The following HEATR5B variants were observed in gnomAD, a reference collection of about 807,000 sequenced individuals.
HEATR5B encodes the protein HEAT repeat-containing protein 5B.
A neutral mutation model predicts 224.1 loss-of-function variants in HEATR5B; 156 were observed. That is an observed-to-expected ratio of 0.70 (90% CI 0.61 to 0.80). HEATR5B has a LOEUF of 0.80. HEATR5B is among the 30% of genes least tolerant of loss of function. The probability of loss-of-function intolerance (pLI) is 0.00; values close to 1 mark genes in which losing one functional copy is unlikely to be tolerated. For synonymous variants in HEATR5B, 1,027 were observed against 893.0 expected (o/e 1.15, Z -2.68); for missense variants, 2,323 against 2,535.5 (o/e 0.92, Z 1.80).
In HEATR5B at chr2:36,997,623, G is replaced by A. The variant is rs1175702694; in HGVS notation, c.5545+2963C>T. On this transcript the variant is annotated intron_variant, in intron 33 of 35. Transcript: ENST00000233099. Reference sequence around the variant, plus strand: ...GCTCTGTAGCCCAGGCTGGAGTGCAGTGGCGCGATCTCGGCTCACTGCAAC... The same window carrying A: ...GCTCTGTAGCCCAGGCTGGAGTGCAATGGCGCGATCTCGGCTCACTGCAAC... Among the ~76,000 whole-genome samples the A allele has an allele frequency of 2.1e-5, 3 of 140,358 alleles. No individual in the cohort carries two copies. In the East Asian group the frequency reaches 6.5e-4, roughly 30 times the overall value. 92.1% of individuals were successfully genotyped at this position (140,358 alleles called of 152,430 possible).
At chr2:37,080,952 G>A (rs1672524841) in intron 2 of HEATR5B, among the ~76,000 whole-genome samples, 1 of 152,178 alleles carries the variant, frequency 6.6e-6, no homozygotes, top group South Asian at 2.1e-4. Flanking sequence ...AATTTGGGTG[G>A]AGGGTGTACA....
At chr2:37,000,884 T>C (rs923943877) in intron 32 of HEATR5B, 71 bp from the exon 33 acceptor site, 7 of 1,053,122 alleles carry the variant, frequency 6.6e-6, no homozygotes, top group Non-Finnish European at 9.9e-6. Flanking sequence ...TCATTGCTTG[T>C]ATTTTTTGCA....
intron 34 of HEATR5B, 135 bp downstream of exon 34, chr2:36,990,513 T>A (rs879574220): frequency 1.4e-6 from 1 of 698,278 alleles, no homozygotes; most frequent in African/African-American, 1.8e-5. Flanking sequence ...GTGATTTGTT[T>A]CAGTTTTTCC....
At position 37,028,701 on chromosome 2, in the gene HEATR5B, T is replaced by C; in HGVS notation, c.3581A>G (p.Asp1194Gly). 2 of 1,614,050 alleles carry C rather than the reference T, an allele frequency of 1.2e-6. No homozygotes were observed. Residue 1194 changes from aspartate (D) to glycine (G), a missense_variant, in exon 23 of 36, where the codon GAT becomes GGT. Transcript: ENST00000233099. ...CTTACCACTAGAAGCTGCCAGGACA[T>C]CTTTACAAAGCATTAGCCAATGAGA... ...KLSHWLMLCKDVLAASSDMST... is the reference protein window; with the variant it reads ...KLSHWLMLCKGVLAASSDMST...
At chr2:37,048,390 G>A (rs2148518395) in intron 18 of HEATR5B, among the ~76,000 whole-genome samples, 1 of 152,046 alleles carries the variant, frequency 6.6e-6, no homozygotes, top group East Asian at 1.9e-4. Flanking sequence ...TCACCATGTT[G>A]CCCAGGCTGA....
intron 26 of HEATR5B, 133 bp downstream of exon 26, chr2:37,019,676 C>G (rs1668346406): frequency 6.7e-6 from 4 of 597,588 alleles, no homozygotes; most frequent in Non-Finnish European, 8.8e-6. Flanking sequence ...AGGCTGATCT[C>G]AAACTCCTGA....
In HEATR5B at chr2:37,068,670, C is replaced by G. The variant is rs902592884; in HGVS notation, c.1177+11G>C. 5 of 1,613,248 alleles carry G rather than the reference C, an allele frequency of 3.1e-6. No individual in the cohort carries two copies. The highest frequency in any genetic ancestry group is 3.3e-5 in the Admixed American group (2 of 59,968). ...AAGGTAATCAACACACATAATGATA[C>G]TGATTCTTACCTACGGCTTTCATTT... On this transcript the variant is annotated intron_variant, in intron 8 of 35. Transcript: ENST00000233099.
At chr2:37,070,170 G>C (rs1040619568) in intron 7 of HEATR5B, 60 bp downstream of exon 7, 1 of 1,538,872 alleles carries the variant, frequency 6.5e-7, no homozygotes, top group Admixed American at 1.7e-5. Context: ...AAAATGCTGG[G>C]ATTACAGGCG....
intron 33 of HEATR5B, among the ~76,000 whole-genome samples, chr2:36,991,325 G>A (rs1386200117): frequency 5.9e-5 from 9 of 151,526 alleles, no homozygotes; most frequent in East Asian, 3.9e-4. Flanking sequence ...TTGGGAGTTC[G>A]AGACCAGCCT....
At chr2:37,064,242 G>C (rs147486496) in intron 10 of HEATR5B, among the ~76,000 whole-genome samples, 8 of 149,980 alleles carry the variant, frequency 5.3e-5, no homozygotes, top group African/African-American at 1.7e-4. Flanking sequence ...TGAAAGAAAA[G>C]CTCTGACTTT....
chr2:37,080,423 T>C lies in HEATR5B; in HGVS notation c.127-1092A>G, dbSNP rs184901164. On this transcript the variant is annotated intron_variant, in intron 2 of 35. Transcript: ENST00000233099. The stretch of plus-strand genomic sequence containing the variant: ...ATGCAATAATCCAGATGAGAGATAA[T>C]AGCGGTAACCATAGAGATGATAAAT... Among the ~76,000 whole-genome samples the C allele has an allele frequency of 1.5e-3, 225 of 152,286 alleles. 1 individual carries two copies. The highest frequency in any genetic ancestry group is 5.2e-3 in the African/African-American group (217 of 41,568).
chr2:37,065,624 TAATTTA>T (rs2148573314), intron 9 of HEATR5B, 125 bp downstream of exon 9: 1 of 809,534 alleles, frequency 1.2e-6, no homozygotes, highest in East Asian at 2.7e-5. Context: ...CAATGAATAT[TAATTTA>T]AGTAAAACCT....
chr2:37,071,130 A>ACATCAT (rs57358811), intron 6 of HEATR5B, among the ~76,000 whole-genome samples: 10 of 151,084 alleles, frequency 6.6e-5, no homozygotes, highest in South Asian at 4.2e-4. Context: ...TTAAAACATT[A>ACATCAT]CATCATCATC....
chr2:37,075,849 G>A (rs1451937553), intron 4 of HEATR5B: 1 of 346,218 alleles, frequency 2.9e-6, no homozygotes, highest in African/African-American at 2.1e-5. Flanking sequence ...TAGGTTTTAA[G>A]TAAATATATT....
Position 37,028,673 on chromosome 2 carries a change from ATACT to A in HEATR5B, c.3601+4_3601+7del. 1 of 1,613,304 alleles carries A rather than the reference ATACT, an allele frequency of 6.2e-7. No homozygotes were observed. The highest frequency in any genetic ancestry group is 8.5e-7 in the Non-Finnish European group (1 of 1,179,460). On this transcript the variant is annotated splice_donor_5th_base_variant and intron_variant, in intron 23 of 35. Coordinates refer to ENST00000233099, the MANE Select transcript of HEATR5B (RefSeq NM_019024.3). ...CCATTATTTTAAGAACGCACATTAA[ATACT>A]TACCACTAGAAGCTGCCAGGACATC...
intron 33 of HEATR5B, among the ~76,000 whole-genome samples, chr2:36,993,646 C>T (rs529872282): frequency 6.6e-6 from 1 of 151,908 alleles, no homozygotes; most frequent in South Asian, 2.1e-4. Flanking sequence ...GGAAAAATGG[C>T]AACTTCATAG....
chr2:36,990,661 G>T lies in HEATR5B; in HGVS notation c.5684C>A (p.Ser1895Ter). ...CGTGTAACTTACCCATGGGTCGCATGAATTTAATGCATTTTTAAATCTGTT... is the reference window on the plus strand; with the variant it reads ...CGTGTAACTTACCCATGGGTCGCATTAATTTAATGCATTTTTAAATCTGTT... ...CMNRFKNALN[S>*]CDPWVQAKCY... The change falls in exon 34 of 36, where the codon TCA (serine) becomes TAA (stop). Residue 1895 changes from serine (S) to a stop codon, truncating the protein, a stop_gained. Coordinates refer to ENST00000233099, the MANE Select transcript of HEATR5B (RefSeq NM_019024.3). LOFTEE classifies it high-confidence loss of function. 6.3e-7 allele frequency: 1 copy of T among 1,589,506 alleles called. No individual in the cohort carries two copies.
chr2:37,044,894 G>T (rs555322102), intron 18 of HEATR5B, among the ~76,000 whole-genome samples: 49 of 152,186 alleles, frequency 3.2e-4, no homozygotes, highest in African/African-American at 8.2e-4. Context: ...AACATCACTG[G>T]AATGATCTTT....
intron 21 of HEATR5B, among the ~76,000 whole-genome samples, chr2:37,037,145 G>GAGATAGATATATATATATAT: frequency 4.5e-5 from 4 of 89,136 alleles, no homozygotes; most frequent in African/African-American, 1.5e-4. Context: ...CTAAAAATGT[G>GAGATAGATATATATATATAT]ATATATATAT....
Sources: gnomAD v4.1 joint callset for allele counts (sites outside exome capture counted in the v4.1 genomes callset) on GRCh38, gnomAD v4.1.1 for gene constraint, MANE v1.5 for transcripts, NCBI Gene and HGNC (gene_info 2026-07-23, HGNC 2026-07-21) for gene names.